Variants in PRKX observed in about 807,000 individuals in gnomAD.
PRKX encodes protein kinase cAMP-dependent X-linked catalytic subunit, also known as cAMP-dependent protein kinase catalytic subunit PRKX.
A neutral mutation model predicts 22.0 loss-of-function variants in PRKX; 12 were observed. That is an observed-to-expected ratio of 0.54 (90% CI 0.35 to 0.88). The LOEUF (loss-of-function observed/expected upper bound fraction) is 0.88. PRKX is among the 40% of genes least tolerant of loss of function. The pLI is 0.01. For synonymous variants in PRKX, 134 were observed against 137.7 expected (o/e 0.97, Z 0.19); for missense variants, 217 against 308.0 (o/e 0.70, Z 2.21).
At position 3,607,999 on chromosome X, in the gene PRKX, A is replaced by G. The variant is rs1476485095; in HGVS notation, c.*970T>C. 1 of 102,987 alleles carries G rather than the reference A, an allele frequency of 9.7e-6. No homozygotes were observed. Among genetic ancestry groups the G allele is most frequent in the Non-Finnish European group, 1.9e-5 (1 of 51,302 alleles). 8.5% of individuals were successfully genotyped at this position (102,987 alleles called of 1,213,427 possible). On this transcript the variant is annotated 3_prime_UTR_variant, in exon 9 of 9. Transcript: ENST00000262848. ...CAGGCTCAAGTGATCCTCTCATCTC[A>G]GCCTCCTGAGTAGCTGAGACTACAC...
intron 7 of PRKX, among the ~76,000 whole-genome samples, chrX:3,614,277 G>A (rs1164701057): frequency 8.9e-6 from 1 of 112,035 alleles, no homozygotes; most frequent in Non-Finnish European, 1.9e-5. Context: ...GAGGCTGGTG[G>A]ATCACTTGAG....
At chrX:3,653,947 TATA>T (rs1374490522) in intron 3 of PRKX, among the ~76,000 whole-genome samples, 2 of 80,178 alleles carry the variant, frequency 2.5e-5, no homozygotes, top group African/African-American at 1.1e-4. Flanking sequence ...ATGTGATATA[TATA>T]ATATATATTA....
intron 1 of PRKX, among the ~76,000 whole-genome samples, chrX:3,700,982 G>A (rs1480917473): frequency 8.9e-6 from 1 of 112,062 alleles, no homozygotes; most frequent in East Asian, 2.8e-4. Flanking sequence ...CTAAAGAAAA[G>A]CTTTAATAAA....
chrX:3,640,759 G>A (rs1415022570), intron 4 of PRKX, among the ~76,000 whole-genome samples: 1 of 111,719 alleles, frequency 9.0e-6, no homozygotes, highest in Admixed American at 9.5e-5. Context: ...CAAGATAGGA[G>A]GTCAGCACAA....
intron 1 of PRKX, among the ~76,000 whole-genome samples, chrX:3,675,174 G>T (rs1273729413): frequency 9.0e-6 from 1 of 111,301 alleles, no homozygotes; most frequent in Non-Finnish European, 1.9e-5. Flanking sequence ...TTCTCTTCAG[G>T]CTCTCTGGTT....
Position 3,625,620 on chromosome X carries a change from G to T in PRKX, c.815+799C>A, listed in dbSNP as rs1926645051. 1.8e-5 allele frequency among the ~76,000 whole-genome samples: 2 copies of T among 110,953 alleles called. 1 individual carries two copies. The highest frequency in any genetic ancestry group is 7.7e-4 in the South Asian group (2 of 2,586). On this transcript the variant is annotated intron_variant, in intron 5 of 8. Transcript: ENST00000262848. The stretch of plus-strand genomic sequence containing the variant: ...AGAATCTTGCTCTGTCGCCCAGGCT[G>T]GAATGTAGTGGTGCGATCTCAGCTC...
chrX:3,671,187 C>T (rs1417176794), intron 2 of PRKX, among the ~76,000 whole-genome samples: 2 of 111,169 alleles, frequency 1.8e-5, no homozygotes, highest in African/African-American at 3.3e-5. Flanking sequence ...AGACGTGCGC[C>T]ACCACGCCCA....
chrX:3,684,879 C>T (rs1381391631), intron 1 of PRKX, among the ~76,000 whole-genome samples: 3 of 112,063 alleles, frequency 2.7e-5, no homozygotes, highest in African/African-American at 9.7e-5. Context: ...TGTAGTGGCA[C>T]GATCACAGCT....
chrX:3,691,716 T>C (rs879024383), intron 1 of PRKX, among the ~76,000 whole-genome samples: 1 of 111,698 alleles, frequency 9.0e-6, no homozygotes, highest in Admixed American at 9.6e-5. Flanking sequence ...ACAACAAAAA[T>C]GTCTCCAGAC....
At chrX:3,683,574 C>T (rs945895798) in intron 1 of PRKX, among the ~76,000 whole-genome samples, 5 of 112,124 alleles carry the variant, frequency 4.5e-5, no homozygotes, top group Non-Finnish European at 9.4e-5. Flanking sequence ...GGGTGGCTCA[C>T]GCTTGTAAGT....
chrX:3,668,505 A>C, intron 2 of PRKX, among the ~76,000 whole-genome samples: 1 of 111,984 alleles, frequency 8.9e-6, no homozygotes, highest in Non-Finnish European at 1.9e-5. Context: ...TGGGGACCAC[A>C]CTCAAGTCTG....
intron 1 of PRKX, among the ~76,000 whole-genome samples, chrX:3,706,110 G>A (rs1311802623): frequency 9.0e-6 from 1 of 110,615 alleles, no homozygotes; most frequent in African/African-American, 3.3e-5. Context: ...GGAGAGAAGA[G>A]GAAACTGATG....
chrX:3,638,947 G>A (rs1259057556), intron 4 of PRKX, among the ~76,000 whole-genome samples: 2 of 102,875 alleles, frequency 1.9e-5, no homozygotes, highest in Non-Finnish European at 3.9e-5. Flanking sequence ...TAACAGGTAG[G>A]TAGGCAGATA....
At chrX:3,708,577 GTGTC>G (rs1489093345) in intron 1 of PRKX, among the ~76,000 whole-genome samples, 1 of 108,920 alleles carries the variant, frequency 9.2e-6, no homozygotes, top group Non-Finnish European at 1.9e-5. Flanking sequence ...AAAAAAAAAA[GTGTC>G]TGGCCAGGCA....
intron 2 of PRKX, among the ~76,000 whole-genome samples, chrX:3,671,085 G>A (rs1248484495): frequency 9.0e-6 from 1 of 110,563 alleles, no homozygotes; most frequent in African/African-American, 3.3e-5. Context: ...CACCCAGGCT[G>A]CAGTGCAGTG....
intron 1 of PRKX, among the ~76,000 whole-genome samples, chrX:3,693,189 C>T (rs1348842378): frequency 9.0e-6 from 1 of 111,223 alleles, no homozygotes; most frequent in Non-Finnish European, 1.9e-5. Flanking sequence ...CTTGGGTGAC[C>T]TCACATGAGT....
intron 2 of PRKX, among the ~76,000 whole-genome samples, chrX:3,666,599 CAT>C (rs1436026226): frequency 9.0e-6 from 1 of 111,596 alleles, no homozygotes; most frequent in Non-Finnish European, 1.9e-5. Context: ...AGCAAGATCA[CAT>C]GTTTGCCAAA....
At chrX:3,652,929 G>C (rs1361461688) in intron 3 of PRKX, among the ~76,000 whole-genome samples, 1 of 110,925 alleles carries the variant, frequency 9.0e-6, no homozygotes, top group Non-Finnish European at 1.9e-5. Flanking sequence ...GAGGCTTCAG[G>C]AGGAACCAGC....
chrX:3,711,370 T>C lies in PRKX; in HGVS notation c.166+1718A>G, dbSNP rs1032933151. Among the ~76,000 whole-genome samples, 37 of 111,364 alleles carry C rather than the reference T, an allele frequency of 3.3e-4. 2 individuals are homozygous for C. The highest frequency in any genetic ancestry group is 5.7e-5 in the Non-Finnish European group (3 of 53,036). On this transcript the variant is annotated intron_variant, in intron 1 of 8. Transcript: ENST00000262848. ...TTGGTCCCCAGAGGCAGCGACACTC[T>C]ATTTTTAAAGATGAGGTTACCCGCT...
Sources: allele counts gnomAD v4.1 joint callset (sites outside exome capture counted in the v4.1 genomes callset), GRCh38; gene constraint gnomAD v4.1.1; transcripts MANE v1.5; gene names NCBI Gene and HGNC (gene_info 2026-07-23, HGNC 2026-07-21).